Variants in DAB1 observed in about 807,000 individuals in gnomAD.
DAB1 encodes the protein disabled homolog 1.
A neutral mutation model predicts 64.6 loss-of-function variants in DAB1; 15 were observed. The ratio of observed to expected loss-of-function variants is 0.23; its 90% CI spans 0.16 to 0.36. The LOEUF is 0.36. Among genes scored for constraint, DAB1 ranks in the 10% least tolerant of loss-of-function variants. DAB1 has a pLI of 1.00. For missense variants in DAB1, 596 were observed against 706.7 expected (o/e 0.84, Z 1.78); for synonymous variants, 235 against 251.9 (o/e 0.93, Z 0.64).
chr1:57,554,095 C>G (rs1469171088), intron 7 of DAB1, among the ~76,000 whole-genome samples: 1 of 152,040 alleles, frequency 6.6e-6, no homozygotes, highest in South Asian at 2.1e-4. Context: ...AAACATGAAG[C>G]GAGGAGATAT....
chr1:57,747,004 G>C (rs1648308197), intron 6 of DAB1, among the ~76,000 whole-genome samples: 1 of 151,924 alleles, frequency 6.6e-6, no homozygotes, highest in South Asian at 2.1e-4. Context: ...TTGGCTTTTT[G>C]TGTTTTTCTT....
At chr1:57,755,650 C>T (rs775987006) in intron 6 of DAB1, among the ~76,000 whole-genome samples, 2 of 152,130 alleles carry the variant, frequency 1.3e-5, no homozygotes, top group Non-Finnish European at 1.5e-5. Context: ...TCAGGTCTTA[C>T]GGATCAACTT....
At chr1:57,592,943 A>G (rs1303652862) in intron 7 of DAB1, among the ~76,000 whole-genome samples, 1 of 152,038 alleles carries the variant, frequency 6.6e-6, no homozygotes, top group Non-Finnish European at 1.5e-5. Flanking sequence ...CCCTGTCTCT[A>G]TATGTAGTCA....
At chr1:58,127,610 T>G (rs1653204914) in intron 5 of DAB1, among the ~76,000 whole-genome samples, 1 of 152,256 alleles carries the variant, frequency 6.6e-6, no homozygotes, top group South Asian at 2.1e-4. Context: ...ATTTAACTCT[T>G]TCATCCATCT....
In DAB1 at chr1:58,037,205, A is replaced by G. The variant is rs142084817; in HGVS notation, n.387+113306T>C. The stretch of plus-strand genomic sequence containing the variant: ...ATCAGAACCCCCTTTGCCTGCACAC[A>G]CAGATTTCTAGAGGCACCTGGGAGG... On this transcript the variant is annotated intron_variant and non_coding_transcript_variant, in intron 5 of 20. Coordinates refer to the DAB1 transcript ENST00000485760. Among the ~76,000 whole-genome samples the G allele has an allele frequency of 1.6e-3, 243 of 152,218 alleles. 1 individual carries two copies. The highest frequency in any genetic ancestry group is 2.9e-3 in the Admixed American group (44 of 15,296).
chr1:57,943,256 G>T (rs1645129844), intron 5 of DAB1, among the ~76,000 whole-genome samples: 1 of 152,150 alleles, frequency 6.6e-6, no homozygotes, highest in Non-Finnish European at 1.5e-5. Flanking sequence ...ACTTGATTAA[G>T]AATCAAGAAA....
intron 2 of DAB1, among the ~76,000 whole-genome samples, chr1:58,526,737 T>C (rs1287517197): frequency 6.6e-6 from 1 of 151,946 alleles, no homozygotes; most frequent in South Asian, 2.1e-4. Flanking sequence ...TATCTTCAAG[T>C]GGGGGAAAAC....
intron 5 of DAB1, among the ~76,000 whole-genome samples, chr1:57,979,563 T>C (rs1165014621): frequency 6.6e-6 from 1 of 152,174 alleles, no homozygotes; most frequent in Admixed American, 6.5e-5. Context: ...TAAAGTATAA[T>C]TTTAAAAATA....
chr1:58,076,006 G>T (rs1649619289), intron 5 of DAB1, among the ~76,000 whole-genome samples: 1 of 151,948 alleles, frequency 6.6e-6, no homozygotes. Context: ...CTAGAGAAGG[G>T]ACTCTGATCA....
intron 4 of DAB1, among the ~76,000 whole-genome samples, chr1:58,190,181 G>A (rs1200819794): frequency 6.6e-6 from 1 of 152,156 alleles, no homozygotes; most frequent in Non-Finnish European, 1.5e-5. Flanking sequence ...TGAACCCAAT[G>A]TAAAGGACTC....
intron 1 of DAB1, among the ~76,000 whole-genome samples, chr1:57,362,598 C>T (rs1055326894): frequency 3.9e-5 from 6 of 151,984 alleles, no homozygotes; most frequent in Non-Finnish European, 5.9e-5. Flanking sequence ...GGATTAGTCC[C>T]CTTATAAAAG....
chr1:58,165,427 T>C (rs775257192), intron 4 of DAB1, among the ~76,000 whole-genome samples: 5 of 152,156 alleles, frequency 3.3e-5, no homozygotes, highest in Non-Finnish European at 2.9e-5. Flanking sequence ...CATCCTTTTA[T>C]CAGTCTGCAA....
At chr1:57,737,025 T>C (rs1254175994) in intron 6 of DAB1, among the ~76,000 whole-genome samples, 2 of 151,994 alleles carry the variant, frequency 1.3e-5, no homozygotes, top group Middle Eastern at 3.4e-3. Flanking sequence ...AGGAAGGAAA[T>C]GGGAGGCGGG....
intron 5 of DAB1, among the ~76,000 whole-genome samples, chr1:57,939,695 G>T (rs1444497228): frequency 6.6e-6 from 1 of 152,154 alleles, no homozygotes; most frequent in Non-Finnish European, 1.5e-5. Flanking sequence ...GCTTCTTGAG[G>T]ATGTTGAACA....
intron 4 of DAB1, among the ~76,000 whole-genome samples, chr1:58,276,818 T>C (rs549957006): frequency 5.3e-5 from 8 of 152,272 alleles, no homozygotes; most frequent in African/African-American, 1.9e-4. Context: ...ATGCACATCA[T>C]AAATGTCATA....
intron 1 of DAB1, chr1:57,864,638 C>A (rs749396802): frequency 6.7e-6 from 1 of 150,308 alleles, no homozygotes; most frequent in Non-Finnish European, 1.5e-5. Flanking sequence ...TATCTAATTT[C>A]TTATTTTTTA....
chr1:58,369,422 T>A (rs1644245746), intron 3 of DAB1, among the ~76,000 whole-genome samples: 1 of 152,238 alleles, frequency 6.6e-6, no homozygotes, highest in African/African-American at 2.4e-5. Flanking sequence ...CAGCTGATGC[T>A]ATTTTATAGT....
At chr1:58,336,872 A>G (rs1663129353) in intron 4 of DAB1, among the ~76,000 whole-genome samples, 1 of 152,210 alleles carries the variant, frequency 6.6e-6, no homozygotes, top group South Asian at 2.1e-4. Flanking sequence ...CTGATTTAGT[A>G]GTAGGATTTA....
chr1:57,143,009 C>T (rs1211652891), intron 3 of DAB1, among the ~76,000 whole-genome samples: 1 of 152,182 alleles, frequency 6.6e-6, no homozygotes, highest in East Asian at 1.9e-4. Context: ...CCATCTTTGA[C>T]TAGGGTCCGC....
Sources: gnomAD v4.1 joint callset for allele counts (sites outside exome capture counted in the v4.1 genomes callset) on GRCh38, gnomAD v4.1.1 for gene constraint, MANE v1.5 for transcripts, NCBI Gene and HGNC (gene_info 2026-07-23, HGNC 2026-07-21) for gene names.